Variants in FAM168A observed in about 807,000 individuals in gnomAD.
FAM168A encodes the protein protein FAM168A.
FAM168A carries 3 observed loss-of-function variants against 28.5 expected under a neutral mutation model. That is an observed-to-expected ratio of 0.11 (90% CI 0.05 to 0.27). The LOEUF is 0.27. FAM168A is among the 10% of genes least tolerant of loss of function. FAM168A has a pLI of 1.00. For synonymous variants in FAM168A, 122 were observed against 124.2 expected, an observed-to-expected ratio of 0.98 and a Z score of 0.12; for missense variants, 222 against 311.5, an observed-to-expected ratio of 0.71 and a Z score of 2.16.
chr11:73,511,150 C>T (rs1855216423), intron 1 of FAM168A, among the ~76,000 whole-genome samples: 1 of 152,010 alleles, frequency 6.6e-6, no homozygotes, highest in African/African-American at 2.4e-5. Flanking sequence ...GAGCCAAGGC[C>T]ACATCTTGGG....
intron 1 of FAM168A, among the ~76,000 whole-genome samples, chr11:73,523,381 T>C (rs1176241870): frequency 6.6e-6 from 1 of 152,134 alleles, no homozygotes; most frequent in Non-Finnish European, 1.5e-5. Flanking sequence ...CAGGCTGGCC[T>C]TGAAGTTGGG....
intron 4 of FAM168A, among the ~76,000 whole-genome samples, 185 bp from the exon 5 acceptor site, chr11:73,411,721 T>C (rs1215205284): frequency 6.6e-6 from 1 of 152,106 alleles, no homozygotes; most frequent in African/African-American, 2.4e-5. Flanking sequence ...GCTCCCTCAG[T>C]CCTGGTGCAC....
At chr11:73,488,220 T>TC (rs1477175196) in intron 1 of FAM168A, among the ~76,000 whole-genome samples, 1 of 151,748 alleles carries the variant, frequency 6.6e-6, no homozygotes, top group Non-Finnish European at 1.5e-5. Flanking sequence ...AACCTCTGCC[T>TC]CCTGGGTTCA....
chr11:73,595,821 C>T lies in FAM168A; in HGVS notation c.-19+2102G>A, dbSNP rs188472059. ...TTCACATCTGACAGAATTCTGATCA[C>T]CTGAATTCCTTTGGAAGAAAATTCA... is the stretch of plus-strand genomic sequence containing the variant. On this transcript the variant is annotated intron_variant, in intron 1 of 7. Transcript: ENST00000356467. 1.1e-3 allele frequency among the ~76,000 whole-genome samples: 172 copies of T among 152,318 alleles called. 1 individual carries two copies. The highest frequency in any genetic ancestry group is 3.9e-3 in the African/African-American group (164 of 41,574).
At chr11:73,427,479 C>G (rs1458945750) in intron 3 of FAM168A, among the ~76,000 whole-genome samples, 2 of 152,124 alleles carry the variant, frequency 1.3e-5, no homozygotes, top group African/African-American at 4.8e-5. Flanking sequence ...AGTCTAACGC[C>G]TTAATTTCTC....
At chr11:73,588,299 A>G (rs1944339726) in intron 1 of FAM168A, among the ~76,000 whole-genome samples, 1 of 152,240 alleles carries the variant, frequency 6.6e-6, no homozygotes, top group South Asian at 2.1e-4. Context: ...TGCCTATGAT[A>G]AAATTTGAGC....
chr11:73,408,162 C>T (rs149461311), intron 6 of FAM168A, among the ~76,000 whole-genome samples: 3 of 152,332 alleles, frequency 2.0e-5, no homozygotes, highest in East Asian at 1.9e-4. Context: ...TGAGGCACCA[C>T]GCCCGGCCTT....
intron 1 of FAM168A, among the ~76,000 whole-genome samples, chr11:73,535,421 T>C (rs1943564746): frequency 9.9e-6 from 1 of 100,528 alleles, no homozygotes; most frequent in African/African-American, 7.5e-5. Context: ...TTTCTTTCTT[T>C]TTTTTTTTTT....
At position 73,402,048 on chromosome 11, in the gene FAM168A, GGCGTGTTTCTTCAGCTCT is replaced by G. The variant is rs1303894670; in HGVS notation, c.*4697_*4714del. On this transcript the variant is annotated 3_prime_UTR_variant, in exon 8 of 8. Transcript: ENST00000356467. ...GGTGTGGAATCCCATCAGTTAGTCT[GGCGTGTTTCTTCAGCTCT>G]GCGGGTGGGTCCCAACTGGCCCACT... The G allele has an allele frequency of 7.2e-5, 11 of 152,406 alleles. 1 individual carries two copies. Among genetic ancestry groups the G allele is most frequent in the Admixed American group, 7.2e-4 (11 of 15,308 alleles). 9.4% of individuals were successfully genotyped at this position (152,406 alleles called of 1,614,324 possible).
At chr11:73,560,071 T>G (rs539040186) in intron 1 of FAM168A, among the ~76,000 whole-genome samples, 9 of 152,260 alleles carry the variant, frequency 5.9e-5, no homozygotes, top group Admixed American at 3.3e-4. Context: ...TTTTTCTTGT[T>G]GTTGTTTTCT....
At chr11:73,442,710 T>C (rs546252346) in intron 2 of FAM168A, among the ~76,000 whole-genome samples, 1 of 152,100 alleles carries the variant, frequency 6.6e-6, no homozygotes, top group African/African-American at 2.4e-5. Context: ...GCACACTGTC[T>C]ATCCTGAAGA....
At chr11:73,508,257 C>T (rs1855153457) in intron 1 of FAM168A, among the ~76,000 whole-genome samples, 1 of 151,960 alleles carries the variant, frequency 6.6e-6, no homozygotes, top group Non-Finnish European at 1.5e-5. Context: ...GTTTAAAGTG[C>T]TATGAAATGT....
chr11:73,422,917 A>G (rs1248063843), intron 3 of FAM168A, among the ~76,000 whole-genome samples: 1 of 152,190 alleles, frequency 6.6e-6, no homozygotes, highest in Admixed American at 6.5e-5. Flanking sequence ...TGACAGTTGA[A>G]CAATCTGTTT....
intron 1 of FAM168A, among the ~76,000 whole-genome samples, chr11:73,554,418 C>T (rs984584483): frequency 2.6e-5 from 4 of 151,736 alleles, no homozygotes; most frequent in African/African-American, 9.7e-5. Flanking sequence ...TTAAAAAATA[C>T]TCCAAAAGAC....
intron 1 of FAM168A, among the ~76,000 whole-genome samples, chr11:73,560,194 G>A (rs1180899727): frequency 6.6e-6 from 1 of 151,878 alleles, no homozygotes; most frequent in African/African-American, 2.4e-5. Flanking sequence ...CTCCTGAGGA[G>A]CTGAGACTAT....
chr11:73,506,222 G>A (rs746582137), intron 1 of FAM168A, among the ~76,000 whole-genome samples: 7 of 152,296 alleles, frequency 4.6e-5, no homozygotes, highest in Middle Eastern at 3.4e-3. Context: ...CCAGGCCTTT[G>A]AGGGGAAAAG....
chr11:73,580,224 G>A (rs771501293), intron 1 of FAM168A: 7 of 509,124 alleles, frequency 1.4e-5, no homozygotes, highest in African/African-American at 2.0e-5. Context: ...CAGTGCCTAC[G>A]TCCCGCTGCC....
intron 1 of FAM168A, among the ~76,000 whole-genome samples, chr11:73,593,606 T>C (rs1944408081): frequency 2.6e-5 from 4 of 152,222 alleles, no homozygotes; most frequent in African/African-American, 7.2e-5. Flanking sequence ...TCATACCTCA[T>C]TAATAAATAC....
rs563622252 is a variant in FAM168A at position 73,477,699 on chromosome 11, A to C, written c.-18-9207T>G. 2.0e-5 allele frequency among the ~76,000 whole-genome samples: 3 copies of C among 152,254 alleles called. No homozygotes were observed. The East Asian group carries it at 5.8e-4, about 29-fold the overall frequency. ...TTCAATGTGCTGAAAAAACAAACAA[A>C]AAACCTGTCAACCAAGAATTCTAAA... is the stretch of plus-strand genomic sequence containing the variant. On this transcript the variant is annotated intron_variant, in intron 1 of 7. Transcript: ENST00000356467.
Sources: allele counts gnomAD v4.1 joint callset (sites outside exome capture counted in the v4.1 genomes callset), GRCh38; gene constraint gnomAD v4.1.1; transcripts MANE v1.5; gene names NCBI Gene and HGNC (gene_info 2026-07-23, HGNC 2026-07-21).